ERICH6: variants seen among roughly 807,000 people sequenced by gnomAD.
The protein encoded by ERICH6 is glutamate rich 6.
ERICH6 carries 71 observed loss-of-function variants against 71.0 expected under a neutral mutation model. The observed-to-expected ratio is 1.00, with a 90% CI of 0.83 to 1.22. The LOEUF (loss-of-function observed/expected upper bound fraction) is 1.22. Among genes scored for constraint, ERICH6 ranks in the 50% most tolerant of loss-of-function variants. ERICH6 has a pLI of 0.00. For missense variants in ERICH6, 808 were observed against 797.2 expected (o/e 1.01, Z -0.16); for synonymous variants, 262 against 278.4 (o/e 0.94, Z 0.59).
At chr3:150,693,509 T>C (rs1712531123) in intron 3 of ERICH6, among the ~76,000 whole-genome samples, 1 of 152,216 alleles carries the variant, frequency 6.6e-6, no homozygotes, top group African/African-American at 2.4e-5. Context: ...AACTCATAGG[T>C]ATTTGATGGT....
At chr3:150,687,510 G>T (rs965651316) in intron 3 of ERICH6, among the ~76,000 whole-genome samples, 12 of 152,120 alleles carry the variant, frequency 7.9e-5, no homozygotes, top group African/African-American at 2.9e-4. Context: ...CTTTATGTCT[G>T]TTATTCTTCA....
chr3:150,661,003 A>T (rs1727202808), intron 13 of ERICH6, among the ~76,000 whole-genome samples: 1 of 152,190 alleles, frequency 6.6e-6, no homozygotes, highest in African/African-American at 2.4e-5. Flanking sequence ...CCCAAATATC[A>T]CACCATGACA....
At chr3:150,685,498 C>T (rs1712141973) in intron 6 of ERICH6, among the ~76,000 whole-genome samples, 1 of 152,232 alleles carries the variant, frequency 6.6e-6, no homozygotes, top group Non-Finnish European at 1.5e-5. Flanking sequence ...TGATTTCGAA[C>T]TTCTAGTCTC....
chr3:150,674,825 T>C (rs1031768385), intron 10 of ERICH6, among the ~76,000 whole-genome samples: 2 of 151,884 alleles, frequency 1.3e-5, no homozygotes, highest in Non-Finnish European at 2.9e-5. Flanking sequence ...TTTCTTGGTC[T>C]AGTAGTCAAT....
chr3:150,678,586 A>AT (rs1237197339), intron 9 of ERICH6, 32 bp from the exon 10 acceptor site: 1 of 1,520,168 alleles, frequency 6.6e-7, no homozygotes, highest in African/African-American at 1.4e-5. Flanking sequence ...AGAAATACAT[A>AT]TATGTTTTAA....
In ERICH6 at chr3:150,703,637, C is replaced by A; in HGVS notation, c.262G>T (p.Asp88Tyr). 1 of 1,614,070 alleles carries A rather than the reference C, an allele frequency of 6.2e-7. No homozygotes were observed. Among genetic ancestry groups the A allele is most frequent in the Non-Finnish European group, 8.5e-7 (1 of 1,179,988 alleles). The change falls in exon 1 of 14, where the codon GAC becomes TAC. Residue 88 changes from aspartate to tyrosine, a missense_variant. Transcript: ENST00000295910. The part of the protein sequence containing the change: ...LWKVTDIGDY[D>Y]DDFPDVRPRL... ...GGGCGCACGTCTGGGAAGTCGTCGT[C>A]GTAGTCACCGATGTCCGTGACCTTC...
intron 3 of ERICH6, 129 bp from the exon 4 acceptor site, chr3:150,686,483 C>G (rs6775511): frequency 0.19 from 147,819 of 761,818 alleles, 16,860 homozygotes; most frequent in East Asian, 0.42. Context: ...TCTTTTGTCT[C>G]TTTTTCCAAA....
chr3:150,693,192 ATTC>A (rs1298306740), intron 3 of ERICH6, among the ~76,000 whole-genome samples: 1 of 152,210 alleles, frequency 6.6e-6, no homozygotes, highest in Non-Finnish European at 1.5e-5. Flanking sequence ...ATTTGTGAGT[ATTC>A]TTAACTTATA....
intron 3 of ERICH6, among the ~76,000 whole-genome samples, chr3:150,693,961 A>G (rs1712552051): frequency 6.6e-6 from 1 of 152,220 alleles, no homozygotes; most frequent in African/African-American, 2.4e-5. Context: ...CTGAAGCTAG[A>G]AAACTTAAAC....
intron 2 of ERICH6, among the ~76,000 whole-genome samples, chr3:150,700,207 T>TGGGACTATAGGCGTCCGCCACCATGCCC (rs1712814637): frequency 6.7e-6 from 1 of 149,974 alleles, no homozygotes; most frequent in Non-Finnish European, 1.5e-5. Context: ...CCAGAGTAGC[T>TGGGACTATAGGCGTCCGCCACCATGCCC]GGGACTATAG....
chr3:150,695,663 T>C (rs1357982960), intron 3 of ERICH6, among the ~76,000 whole-genome samples: 1 of 151,860 alleles, frequency 6.6e-6, no homozygotes, highest in Non-Finnish European at 1.5e-5. Flanking sequence ...CGAGACTTCG[T>C]CTCAAAAAGA....
At position 150,659,949 on chromosome 3, in the gene ERICH6, A is replaced by G. The variant is rs1727146467; in HGVS notation, c.1935T>C (p.Ser645=). The change falls in exon 14 of 14, where the codon TCT becomes TCC. Residue 645 remains serine (S), a synonymous_variant. Transcript: ENST00000295910. ...TCTTCATTATATCTTGCTTTATACC[A>G]GAACTGTGACAAAGGGCAATTAGTT... ...SLKLIALCHS[S]GIKQDIMKTI... The G allele has an allele frequency of 1.2e-6, 2 of 1,613,498 alleles. No individual in the cohort carries two copies. Among genetic ancestry groups the G allele is most frequent in the Non-Finnish European group, 8.5e-7 (1 of 1,179,600 alleles).
chr3:150,662,965 T>C (rs930681058), intron 13 of ERICH6, among the ~76,000 whole-genome samples: 6 of 152,104 alleles, frequency 3.9e-5, no homozygotes, highest in Admixed American at 2.0e-4. Flanking sequence ...CCAGTATGGC[T>C]GGAACAGAAT....
chr3:150,660,200 G>A (rs1463959859), intron 13 of ERICH6, 45 bp from the exon 14 acceptor site: 2 of 1,588,564 alleles, frequency 1.3e-6, no homozygotes, highest in African/African-American at 2.7e-5. Context: ...GTCCAGAAGT[G>A]GAACTGGGGA....
intron 13 of ERICH6, among the ~76,000 whole-genome samples, 196 bp from the exon 14 acceptor site, chr3:150,660,351 G>A (rs1000337636): frequency 4.6e-5 from 7 of 152,134 alleles, no homozygotes; most frequent in African/African-American, 1.7e-4. Flanking sequence ...AGACTTGAGA[G>A]ACCAAATGGA....
At chr3:150,667,835 A>T (rs529686654) in intron 12 of ERICH6, among the ~76,000 whole-genome samples, 2 of 152,282 alleles carry the variant, frequency 1.3e-5, no homozygotes, top group East Asian at 3.9e-4. Flanking sequence ...TGACTTGGCC[A>T]TGGGGACCCC....
chr3:150,685,150 C>G (rs551609740), intron 6 of ERICH6, among the ~76,000 whole-genome samples: 1 of 152,096 alleles, frequency 6.6e-6, no homozygotes, highest in South Asian at 2.1e-4. Flanking sequence ...CCAGGCTTTG[C>G]GGCCACTCTT....
intron 3 of ERICH6, among the ~76,000 whole-genome samples, chr3:150,691,296 A>G (rs1169831759): frequency 6.6e-6 from 1 of 152,200 alleles, no homozygotes; most frequent in Non-Finnish European, 1.5e-5. Flanking sequence ...TTATTTGGGT[A>G]TTTTGCATTA....
At chr3:150,694,934 G>C (rs993276488) in intron 3 of ERICH6, among the ~76,000 whole-genome samples, 4 of 152,166 alleles carry the variant, frequency 2.6e-5, no homozygotes, top group African/African-American at 9.7e-5. Context: ...TCTGGTAAGT[G>C]CCCATTTCCT....
Sources: allele counts gnomAD v4.1 joint callset (sites outside exome capture counted in the v4.1 genomes callset), GRCh38; gene constraint gnomAD v4.1.1; transcripts MANE v1.5; gene names NCBI Gene and HGNC (gene_info 2026-07-23, HGNC 2026-07-21).